The following MAML3 variants were observed in gnomAD, a reference collection of about 807,000 sequenced individuals.
MAML3 encodes the protein mastermind-like protein 3.
Under a neutral mutation model 101.9 loss-of-function variants are expected in MAML3, and 27 were observed. The ratio of observed to expected loss-of-function variants is 0.27; its 90% confidence interval spans 0.20 to 0.37. The LOEUF is 0.37. Among genes scored for constraint, MAML3 ranks in the 10% least tolerant of loss-of-function variants. The pLI, the probability that MAML3 is intolerant of heterozygous loss-of-function variation, is 1.00. For synonymous variants in MAML3, 501 were observed against 555.9 expected (o/e 0.90, Z 1.39); for missense variants, 1,316 against 1,444.9 (o/e 0.91, Z 1.45).
chr4:139,832,090 G>GCGCCC (rs141974241), intron 2 of MAML3, among the ~76,000 whole-genome samples: 5,403 of 90,632 alleles, frequency 0.06, 467 homozygotes, highest in African/African-American at 0.18. Context: ...ATCATGCCCA[G>GCGCCC]CCCCTTTTTT....
At chr4:140,059,909 A>G (rs1025800929) in intron 1 of MAML3, among the ~76,000 whole-genome samples, 9 of 152,258 alleles carry the variant, frequency 5.9e-5, no homozygotes, top group African/African-American at 2.2e-4. Flanking sequence ...TTTTTCTCCA[A>G]CAAAATAATT....
At chr4:139,985,000 G>A (rs1734512009) in intron 1 of MAML3, among the ~76,000 whole-genome samples, 2 of 152,176 alleles carry the variant, frequency 1.3e-5, no homozygotes, top group African/African-American at 4.8e-5. Context: ...GCAGCTTTCT[G>A]CAATTTAATA....
intron 2 of MAML3, among the ~76,000 whole-genome samples, chr4:139,879,796 G>A (rs1002491128): frequency 1.3e-5 from 2 of 152,080 alleles, no homozygotes; most frequent in African/African-American, 2.4e-5. Flanking sequence ...ACCACTGTTC[G>A]ATGGGTTATC....
intron 1 of MAML3, among the ~76,000 whole-genome samples, chr4:139,995,186 T>C (rs1560860836): frequency 6.6e-6 from 1 of 152,222 alleles, no homozygotes; most frequent in Non-Finnish European, 1.5e-5. Flanking sequence ...AGTCTATTAA[T>C]ACATTATGTT....
intron 1 of MAML3, among the ~76,000 whole-genome samples, chr4:140,094,491 T>A (rs938775495): frequency 1.8e-4 from 28 of 152,302 alleles, no homozygotes; most frequent in African/African-American, 6.0e-4. Context: ...GAAACTCGGA[T>A]TTGTCCTCAC....
At chr4:140,134,215 A>C in intron 1 of MAML3, 1 of 456,774 alleles carries the variant, frequency 2.2e-6, no homozygotes, top group Non-Finnish European at 4.4e-6. Context: ...CTTAGGAAGT[A>C]CGGGGAAAGT....
chr4:140,017,961 C>A (rs1157584850), intron 1 of MAML3, among the ~76,000 whole-genome samples: 2 of 151,548 alleles, frequency 1.3e-5, no homozygotes, highest in African/African-American at 4.8e-5. Context: ...CTGTATCATG[C>A]CTTACAACTG....
At chr4:140,035,400 A>G (rs1481176689) in intron 1 of MAML3, among the ~76,000 whole-genome samples, 2 of 152,204 alleles carry the variant, frequency 1.3e-5, no homozygotes, top group African/African-American at 2.4e-5. Context: ...TCCTTGTTTT[A>G]TCCAATAGTA....
intron 1 of MAML3, among the ~76,000 whole-genome samples, chr4:139,952,625 C>G (rs1223901371): frequency 5.3e-5 from 8 of 152,160 alleles, no homozygotes; most frequent in African/African-American, 1.2e-4. Flanking sequence ...AGTGGCCCAC[C>G]AAAGATGTCT....
chr4:140,048,431 A>G (rs777774287), intron 1 of MAML3, among the ~76,000 whole-genome samples: 1 of 152,204 alleles, frequency 6.6e-6, no homozygotes, highest in Non-Finnish European at 1.5e-5. Flanking sequence ...AACTGAAGAA[A>G]GTCTCCTTGT....
At chr4:139,856,368 G>C (rs1731663448) in intron 2 of MAML3, among the ~76,000 whole-genome samples, 2 of 152,204 alleles carry the variant, frequency 1.3e-5, no homozygotes, top group Non-Finnish European at 2.9e-5. Context: ...GGATCCTCCT[G>C]TTGGAAAAAG....
intron 1 of MAML3, among the ~76,000 whole-genome samples, chr4:140,037,273 A>G (rs1182630771): frequency 6.6e-6 from 1 of 152,098 alleles, no homozygotes; most frequent in Non-Finnish European, 1.5e-5. Context: ...AACAGCAACA[A>G]AACAAAAAAC....
intron 1 of MAML3, among the ~76,000 whole-genome samples, chr4:140,003,919 G>A (rs1328768499): frequency 6.6e-6 from 1 of 152,182 alleles, no homozygotes; most frequent in Non-Finnish European, 1.5e-5. Flanking sequence ...ATTACAAATG[G>A]CTTTAAGAGC....
At chr4:139,982,669 T>C (rs1454013064) in intron 1 of MAML3, among the ~76,000 whole-genome samples, 1 of 152,244 alleles carries the variant, frequency 6.6e-6, no homozygotes, top group African/African-American at 2.4e-5. Context: ...TACACAAAAG[T>C]ATCTATAACA....
intron 1 of MAML3, among the ~76,000 whole-genome samples, chr4:140,064,589 C>G (rs1727499531): frequency 6.6e-6 from 1 of 152,188 alleles, no homozygotes; most frequent in Non-Finnish European, 1.5e-5. Context: ...AGGTAACCAT[C>G]CAGCTTGGGC....
At chr4:140,006,534 C>T (rs531310582) in intron 1 of MAML3, among the ~76,000 whole-genome samples, 3 of 138,956 alleles carry the variant, frequency 2.2e-5, no homozygotes, top group Non-Finnish European at 3.0e-5. Context: ...TTCAGTGAGC[C>T]GAGATGGCGC....
chr4:139,850,540 C>CTT (rs144011476), intron 2 of MAML3, among the ~76,000 whole-genome samples: 7 of 147,940 alleles, frequency 4.7e-5, no homozygotes, highest in South Asian at 2.1e-4. Context: ...ATATATTCTT[C>CTT]TTTTTTTTTT....
chr4:139,995,726 GT>G (rs1734795823), intron 1 of MAML3, among the ~76,000 whole-genome samples: 1 of 151,850 alleles, frequency 6.6e-6, no homozygotes, highest in Non-Finnish European at 1.5e-5. Flanking sequence ...GCTTTGTTTT[GT>G]TTTGGTCAGT....
At chr4:139,838,885 A>G (rs1049650653) in intron 2 of MAML3, among the ~76,000 whole-genome samples, 11 of 152,146 alleles carry the variant, frequency 7.2e-5, no homozygotes, top group Non-Finnish European at 1.0e-4. Context: ...GAGGTTAACA[A>G]TGGTGTTGTG....
Sources: allele counts gnomAD v4.1 joint callset (sites outside exome capture counted in the v4.1 genomes callset), GRCh38; gene constraint gnomAD v4.1.1; transcripts MANE v1.5; gene names NCBI Gene and HGNC (gene_info 2026-07-23, HGNC 2026-07-21).